Variants in TPD52 observed in about 807,000 individuals in gnomAD.
TPD52 encodes the protein tumor protein D52, also known as prostate and colon associated protein.
A neutral mutation model predicts 31.3 loss-of-function variants in TPD52; 17 were observed. That is an observed-to-expected ratio of 0.54 (90% CI 0.37 to 0.82). The LOEUF (loss-of-function observed/expected upper bound fraction) is 0.82. Ranked by LOEUF, TPD52 falls within the 40% of genes least tolerant of loss-of-function variation. The pLI is 0.00. For missense variants in TPD52, 212 were observed against 240.1 expected (o/e 0.88, Z 0.77); for synonymous variants, 83 against 89.6 (o/e 0.93, Z 0.42).
intron 1 of TPD52, chr8:80,080,341 G>T: frequency 1.2e-6 from 2 of 1,614,084 alleles, no homozygotes; most frequent in Admixed American, 3.3e-5. Context: ...AGGTGATCCG[G>T]GTGGAGATGA....
chr8:80,168,986 GTGTT>G (rs1271472232), intron 1 of TPD52, among the ~76,000 whole-genome samples: 6 of 152,068 alleles, frequency 3.9e-5, no homozygotes, highest in Non-Finnish European at 8.8e-5. Context: ...GTTTTGTTTT[GTGTT>G]TGTTTGTTTT....
rs552555171 is a variant in TPD52, at chr8:80,167,449, A to G, written c.19+3976T>C. 9.7e-4 allele frequency among the ~76,000 whole-genome samples: 148 copies of G among 152,324 alleles called. 1 individual carries two copies. Among genetic ancestry groups the G allele is most frequent in the African/African-American group, 3.4e-3 (142 of 41,568 alleles). On this transcript the variant is annotated intron_variant, in intron 1 of 7. Coordinates refer to ENST00000518937, the MANE Select transcript of TPD52 (RefSeq NM_001025253.3). ...AAGATCACAACCCCTCCTACCACTC[A>G]GCTATTCCCCTAGGGACTAGGCAGC...
At chr8:80,062,141 C>T (rs893763320) in intron 2 of TPD52, among the ~76,000 whole-genome samples, 12 of 152,114 alleles carry the variant, frequency 7.9e-5, no homozygotes, top group African/African-American at 1.7e-4. Context: ...AGGTAAAGAA[C>T]GCATATTTCT....
Position 80,046,816 on chromosome 8 carries a change from A to C in TPD52, c.414-2608T>G, listed in dbSNP as rs537613635. ...CACTGCATTTACTCTTACTTTGAAA[A>C]AGTCATTTTTTTAAAACAGCTGAAT... On this transcript the variant is annotated intron_variant, in intron 5 of 7. Transcript: ENST00000518937. Among the ~76,000 whole-genome samples the C allele has an allele frequency of 4.6e-5, 7 of 152,278 alleles. No homozygotes were observed. The South Asian group carries it at 1.5e-3, about 32-fold the overall frequency.
chr8:80,136,848 T>C lies in TPD52; in HGVS notation c.19+34577A>G, dbSNP rs550022568. The stretch of plus-strand genomic sequence containing the variant: ...TAAAATACACAATAAATGCTGGGGC[T>C]TTCATCTAATCAAGAACAACCTCAG... On this transcript the variant is annotated intron_variant, in intron 1 of 7. Transcript: ENST00000518937. Among the ~76,000 whole-genome samples the C allele has an allele frequency of 5.9e-5, 9 of 152,326 alleles. No homozygotes were observed. In the South Asian group the frequency reaches 1.9e-3, roughly 32 times the overall value.
At chr8:80,054,319 A>G (rs979697468) in intron 2 of TPD52, among the ~76,000 whole-genome samples, 2 of 152,216 alleles carry the variant, frequency 1.3e-5, no homozygotes, top group African/African-American at 4.8e-5. Context: ...TGTAAGCAGA[A>G]GCTATGAAGA....
intron 5 of TPD52, among the ~76,000 whole-genome samples, chr8:80,046,513 T>C (rs16907391): frequency 0.025 from 3,857 of 152,276 alleles, 175 homozygotes; most frequent in African/African-American, 0.087. Flanking sequence ...AGCTTCAACT[T>C]GCTCATCATT....
At chr8:80,057,509 C>G (rs1812029475) in intron 2 of TPD52, among the ~76,000 whole-genome samples, 1 of 152,146 alleles carries the variant, frequency 6.6e-6, no homozygotes. Flanking sequence ...AAAATCATGT[C>G]CTTTGCTGCA....
At chr8:80,110,704 A>G (rs899602737) in intron 1 of TPD52, among the ~76,000 whole-genome samples, 1 of 152,212 alleles carries the variant, frequency 6.6e-6, no homozygotes, top group Admixed American at 6.5e-5. Context: ...CCAAAGCCCA[A>G]TGTAAACAGT....
At chr8:80,103,841 C>CA (rs1285893068) in intron 1 of TPD52, among the ~76,000 whole-genome samples, 1 of 152,210 alleles carries the variant, frequency 6.6e-6, no homozygotes, top group African/African-American at 2.4e-5. Flanking sequence ...AAAAGACCTC[C>CA]ACTAGGAAAG....
chr8:80,083,529 AAGG>A (rs1417372586), intron 1 of TPD52, among the ~76,000 whole-genome samples: 2 of 150,780 alleles, frequency 1.3e-5, no homozygotes, highest in Non-Finnish European at 2.9e-5. Flanking sequence ...AGATCTTTAT[AAGG>A]AGAACAGATG....
At chr8:80,171,366 GCCCGAGTCCA>G in intron 1 of TPD52, 49 bp downstream of exon 1, 1 of 583,894 alleles carries the variant, frequency 1.7e-6, no homozygotes, top group Non-Finnish European at 2.1e-6. Flanking sequence ...CCGAGCCAAA[GCCCGAGTCCA>G]AGCCCGAGTC....
chr8:80,034,299 G>A (rs1809773132), downstream of TPD52, among the ~76,000 whole-genome samples: 1 of 151,888 alleles, frequency 6.6e-6, no homozygotes, highest in Non-Finnish European at 1.5e-5. Flanking sequence ...ATCTGGAGCT[G>A]CAGCTGGGTG....
At chr8:80,046,978 G>A (rs546187901) in intron 5 of TPD52, among the ~76,000 whole-genome samples, 2 of 152,306 alleles carry the variant, frequency 1.3e-5, no homozygotes, top group Admixed American at 1.3e-4. Context: ...AAAGTTAATG[G>A]CTAACATGTT....
In TPD52 at chr8:80,042,455, A is replaced by G. The variant is rs1586135157; in HGVS notation, c.504+165T>C. ...TACAGCATACACTAAAAAGATATTA[A>G]GTACATAACACCTTAAATGTCCACT... On this transcript the variant is annotated intron_variant, in intron 7 of 7. Coordinates refer to ENST00000518937, the MANE Select transcript of TPD52 (RefSeq NM_001025253.3). 4 of 985,496 alleles carry G rather than the reference A, an allele frequency of 4.1e-6. No homozygotes were observed. In the South Asian group the frequency reaches 1.9e-4, roughly 46 times the overall value. The allele number at this position is 985,496 out of a possible 1,614,324, so 61.0% of individuals were successfully genotyped here.
At chr8:80,145,612 C>T (rs1408000115) in intron 1 of TPD52, among the ~76,000 whole-genome samples, 1 of 152,122 alleles carries the variant, frequency 6.6e-6, no homozygotes, top group Non-Finnish European at 1.5e-5. Flanking sequence ...CCACTTCATG[C>T]CCCAGAAGTT....
chr8:80,122,291 G>A (rs1808312489), intron 1 of TPD52, among the ~76,000 whole-genome samples: 1 of 152,176 alleles, frequency 6.6e-6, no homozygotes, highest in Admixed American at 6.5e-5. Flanking sequence ...AAAGCAGAGA[G>A]CAGAAGCAAG....
At chr8:80,068,886 T>C (rs1254740332) in intron 1 of TPD52, among the ~76,000 whole-genome samples, 1 of 152,220 alleles carries the variant, frequency 6.6e-6, no homozygotes. Context: ...TGTGACATGG[T>C]TATCACCTGC....
At chr8:80,042,347 A>C in intron 7 of TPD52, 1 of 985,462 alleles carries the variant, frequency 1.0e-6, no homozygotes, top group South Asian at 4.7e-5. Flanking sequence ...GAAATGAATA[A>C]AGCAAAAAGC....
Sources: allele counts gnomAD v4.1 joint callset (sites outside exome capture counted in the v4.1 genomes callset), GRCh38; gene constraint gnomAD v4.1.1; transcripts MANE v1.5; gene names NCBI Gene and HGNC (gene_info 2026-07-23, HGNC 2026-07-21).